The following MEF2C variants were observed in gnomAD, a reference collection of about 807,000 sequenced individuals.
The protein encoded by MEF2C is myocyte-specific enhancer factor 2C.
In MEF2C, 6 loss-of-function variants were observed where a neutral mutation model predicts 50.5. The observed-to-expected ratio is 0.12, with a 90% CI of 0.07 to 0.23. The LOEUF is 0.23. Ranked by LOEUF, MEF2C falls within the 10% of genes least tolerant of loss-of-function variation. The pLI is 1.00. For synonymous variants in MEF2C, 183 were observed against 228.0 expected, an observed-to-expected ratio of 0.80 and a Z score of 1.78; for missense variants, 276 against 605.0, an observed-to-expected ratio of 0.46 and a Z score of 5.70.
intron 2 of MEF2C, among the ~76,000 whole-genome samples, chr5:88,820,260 A>G (rs1180237885): frequency 6.6e-6 from 1 of 151,920 alleles, no homozygotes; most frequent in Non-Finnish European, 1.5e-5. Context: ...ATGCCAAAAA[A>G]TTTTTTTAAA....
intron 1 of MEF2C, among the ~76,000 whole-genome samples, chr5:88,866,495 T>C (rs1827437373): frequency 6.6e-6 from 1 of 152,170 alleles, no homozygotes; most frequent in South Asian, 2.1e-4. Context: ...GGCAATACTT[T>C]TATGAAAAAA....
chr5:88,798,717 G>A (rs1166950973), intron 3 of MEF2C, among the ~76,000 whole-genome samples: 1 of 152,086 alleles, frequency 6.6e-6, no homozygotes, highest in Non-Finnish European at 1.5e-5. Flanking sequence ...GAGGAGAAGA[G>A]GCATTCTGGT....
intron 4 of MEF2C, 138 bp downstream of exon 4, chr5:88,761,047 C>A (rs771892023): frequency 2.5e-6 from 4 of 1,608,488 alleles, no homozygotes; most frequent in Non-Finnish European, 3.4e-6. Flanking sequence ...TTGTATTTTT[C>A]TTCAGTGCGT....
At chr5:88,843,099 T>C (rs1373589895) in intron 1 of MEF2C, among the ~76,000 whole-genome samples, 1 of 152,108 alleles carries the variant, frequency 6.6e-6, no homozygotes, top group African/African-American at 2.4e-5. Flanking sequence ...TGGAACATCC[T>C]GATATTTAGG....
intron 3 of MEF2C, among the ~76,000 whole-genome samples, chr5:88,799,943 A>T (rs2153039645): frequency 6.6e-6 from 1 of 151,792 alleles, no homozygotes; most frequent in East Asian, 1.9e-4. Flanking sequence ...TTCTTCCTCT[A>T]AAAAGAAAAA....
At chr5:88,872,969 TTC>T (rs1332574237) in intron 1 of MEF2C, among the ~76,000 whole-genome samples, 2 of 151,986 alleles carry the variant, frequency 1.3e-5, no homozygotes, top group African/African-American at 4.8e-5. Context: ...TTAAACGATC[TTC>T]TCTCTCGAGA....
chr5:88,832,347 A>ATT (rs529112425), intron 1 of MEF2C, among the ~76,000 whole-genome samples: 1 of 149,488 alleles, frequency 6.7e-6, no homozygotes, highest in African/African-American at 2.5e-5. Context: ...TTAATATTCT[A>ATT]TTTTTTTTTT....
At chr5:88,849,338 T>G (rs1025621529) in intron 1 of MEF2C, among the ~76,000 whole-genome samples, 8 of 152,152 alleles carry the variant, frequency 5.3e-5, no homozygotes, top group Non-Finnish European at 1.0e-4. Flanking sequence ...GCTAATCTGT[T>G]GAATTCTATG....
chr5:88,740,048 A>G, intron 6 of MEF2C: 1 of 985,358 alleles, frequency 1.0e-6, no homozygotes. Flanking sequence ...GAAATACCCC[A>G]AGACTATACC....
chr5:88,787,950 A>C (rs1476958742), intron 3 of MEF2C, among the ~76,000 whole-genome samples: 1 of 152,164 alleles, frequency 6.6e-6, no homozygotes, highest in Non-Finnish European at 1.5e-5. Context: ...CCACAAAATC[A>C]CATAGACTTT....
At chr5:88,821,675 C>A (rs969364994) in intron 2 of MEF2C, among the ~76,000 whole-genome samples, 1 of 151,728 alleles carries the variant, frequency 6.6e-6, no homozygotes, top group Non-Finnish European at 1.5e-5. Context: ...CATGTTCTCA[C>A]TCGTGTGGGA....
At chr5:88,742,165 G>C in intron 6 of MEF2C, 3 of 985,242 alleles carry the variant, frequency 3.0e-6, no homozygotes, top group Non-Finnish European at 3.6e-6. Context: ...CAAAAGAGGG[G>C]GTTTTTAACC....
At chr5:88,735,330 A>T (rs1763651368) in intron 6 of MEF2C, 2 of 985,358 alleles carry the variant, frequency 2.0e-6, no homozygotes, top group Non-Finnish European at 2.4e-6. Flanking sequence ...ACCTTCTAAT[A>T]TATGGATTCA....
intron 2 of MEF2C, among the ~76,000 whole-genome samples, chr5:88,814,752 C>G (rs1003456248): frequency 6.6e-6 from 1 of 151,918 alleles, no homozygotes; most frequent in Admixed American, 6.6e-5. Context: ...ATTAAATAAT[C>G]GAATGCACAT....
chr5:88,849,819 A>C (rs1820637472), intron 1 of MEF2C, among the ~76,000 whole-genome samples: 1 of 152,218 alleles, frequency 6.6e-6, no homozygotes, highest in Non-Finnish European at 1.5e-5. Context: ...GTCATATTTA[A>C]TGACTTTAGG....
intron 6 of MEF2C, chr5:88,735,523 AGTTT>A: frequency 5.1e-6 from 5 of 980,086 alleles, no homozygotes; most frequent in Non-Finnish European, 6.1e-6. Context: ...CTTTAGAGTC[AGTTT>A]GTTTTATAGT....
intron 1 of MEF2C, among the ~76,000 whole-genome samples, chr5:88,834,950 C>T (rs1051444319): frequency 2.0e-5 from 3 of 152,142 alleles, no homozygotes; most frequent in Non-Finnish European, 4.4e-5. Flanking sequence ...GCTTCCTTCA[C>T]TGATATTATA....
At chr5:88,766,469 C>T (rs970452464) in intron 3 of MEF2C, among the ~76,000 whole-genome samples, 33 of 152,128 alleles carry the variant, frequency 2.2e-4, no homozygotes, top group East Asian at 1.2e-3. Context: ...AAATTATTGA[C>T]CTTTTTCGAT....
chr5:88,814,013 G>A (rs531862971), intron 2 of MEF2C, among the ~76,000 whole-genome samples: 1 of 152,068 alleles, frequency 6.6e-6, no homozygotes, highest in East Asian at 2.0e-4. Flanking sequence ...AATGACTAAT[G>A]AGTGACAGAT....
Sources: gnomAD v4.1 joint callset for allele counts (sites outside exome capture counted in the v4.1 genomes callset) on GRCh38, gnomAD v4.1.1 for gene constraint, MANE v1.5 for transcripts, NCBI Gene and HGNC (gene_info 2026-07-23, HGNC 2026-07-21) for gene names.